Variants in TPP2 observed in about 807,000 individuals in gnomAD.
TPP2 encodes the protein tripeptidyl peptidase 2.
TPP2 carries 34 observed loss-of-function variants against 155.9 expected under a neutral mutation model. The observed-to-expected ratio is 0.22, with a 90% CI of 0.17 to 0.29. The LOEUF (loss-of-function observed/expected upper bound fraction) is 0.29, where lower values mean the gene tolerates loss of function less well. TPP2 is among the 10% of genes least tolerant of loss of function. The probability of loss-of-function intolerance (pLI) is 1.00; values close to 1 mark genes in which losing one functional copy is unlikely to be tolerated. For missense variants in TPP2, 1,028 were observed against 1,522.3 expected, an observed-to-expected ratio of 0.68 and a Z score of 5.40; for synonymous variants, 510 against 529.4, an observed-to-expected ratio of 0.96 and a Z score of 0.50.
At position 102,651,342 on chromosome 13, in the gene TPP2, G is replaced by A. The variant is rs1159884790; in HGVS notation, c.2953-17G>A. 1 of 1,573,108 alleles carries A rather than the reference G, an allele frequency of 6.4e-7. No individual in the cohort carries two copies. Among genetic ancestry groups the A allele is most frequent in the Non-Finnish European group, 8.6e-7 (1 of 1,158,392 alleles). On this transcript the variant is annotated splice_polypyrimidine_tract_variant and intron_variant, in intron 23 of 29. Transcript: ENST00000376052. ...GATTATGCATGTTTTCTTACAGAAT[G>A]TCGTTCTAACTCCCAGGGGCAGTCT...
At chr13:102,657,880 ACAC>A (rs938904256) in intron 25 of TPP2, among the ~76,000 whole-genome samples, 2 of 152,190 alleles carry the variant, frequency 1.3e-5, no homozygotes, top group African/African-American at 4.8e-5. Flanking sequence ...GTGTGCTACT[ACAC>A]AATGCAAAAA....
At chr13:102,648,695 G>A (rs1391841577) in intron 21 of TPP2, among the ~76,000 whole-genome samples, 1 of 152,014 alleles carries the variant, frequency 6.6e-6, no homozygotes, top group Non-Finnish European at 1.5e-5. Context: ...TGTGATGTTA[G>A]GCAAGTCACT....
chr13:102,659,627 G>A (rs1158049004), intron 25 of TPP2, among the ~76,000 whole-genome samples: 2 of 152,124 alleles, frequency 1.3e-5, no homozygotes, highest in African/African-American at 4.8e-5. Context: ...CTTTAAAAAT[G>A]AAAATGAAAT....
At chr13:102,607,875 G>GCCA in intron 2 of TPP2, 1 of 215,556 alleles carries the variant, frequency 4.6e-6, no homozygotes, top group South Asian at 4.9e-5. Context: ...ATAGGCATGA[G>GCCA]CCACCATGCC....
At chr13:102,653,500 C>G (rs1019006011) in intron 24 of TPP2, among the ~76,000 whole-genome samples, 1 of 152,124 alleles carries the variant, frequency 6.6e-6, no homozygotes, top group South Asian at 2.1e-4. Context: ...TCAAGTGATC[C>G]TCCCACCTCA....
intron 25 of TPP2, among the ~76,000 whole-genome samples, chr13:102,659,302 C>A (rs1034442812): frequency 6.6e-6 from 1 of 152,156 alleles, no homozygotes; most frequent in African/African-American, 2.4e-5. Context: ...AAAATATATT[C>A]AGTGAAATAA....
At chr13:102,604,414 G>A (rs1368060217) in intron 1 of TPP2, among the ~76,000 whole-genome samples, 1 of 152,014 alleles carries the variant, frequency 6.6e-6, no homozygotes, top group East Asian at 1.9e-4. Flanking sequence ...CTAATACCCA[G>A]TGTGATAGCA....
Position 102,663,703 on chromosome 13 carries a change from C to A in TPP2, c.3199C>A (p.Pro1067Thr). The change falls in exon 26 of 30, where the codon CCT becomes ACT. Residue 1067 changes from proline to threonine, a missense_variant. Pro to Thr is a conservative substitution (Grantham distance 38). Around this residue, in one of 7 missense-constraint regions of TPP2, gnomAD observed 179 missense variants for 274.7 expected, o/e 0.65. Transcript: ENST00000376052. ...ELKETYPNYL[P>T]LYVARLHQLD... ...GAAAGAAACATATCCTAATTATCTT[C>A]CTCTGTACGTTGCACGACTTCATCA... 1 of 1,608,444 alleles carries A rather than the reference C, an allele frequency of 6.2e-7. No homozygotes were observed. The highest frequency in any genetic ancestry group is 8.5e-7 in the Non-Finnish European group (1 of 1,178,094).
At chr13:102,674,903 C>G (rs1002037246) in intron 28 of TPP2, among the ~76,000 whole-genome samples, 1 of 152,136 alleles carries the variant, frequency 6.6e-6, no homozygotes, top group Admixed American at 6.6e-5. Flanking sequence ...TTCCTCAAAA[C>G]TCTTGAATTT....
intron 8 of TPP2, among the ~76,000 whole-genome samples, chr13:102,628,422 T>C (rs1409397170): frequency 6.6e-6 from 1 of 152,192 alleles, no homozygotes; most frequent in East Asian, 1.9e-4. Context: ...TGCTGAAATT[T>C]TGCTATTCTC....
At chr13:102,624,073 G>A (rs1321473308) in intron 6 of TPP2, among the ~76,000 whole-genome samples, 1 of 152,154 alleles carries the variant, frequency 6.6e-6, no homozygotes, top group East Asian at 1.9e-4. Context: ...AAAATGCTGT[G>A]TGTATAAACC....
chr13:102,661,395 T>G (rs932076474), intron 25 of TPP2, among the ~76,000 whole-genome samples: 1 of 151,518 alleles, frequency 6.6e-6, no homozygotes, highest in Non-Finnish European at 1.5e-5. Context: ...GGACTACAAG[T>G]GCACGCCACC....
At chr13:102,626,970 C>A in intron 6 of TPP2, 42 bp from the exon 7 acceptor site, 2 of 1,459,818 alleles carry the variant, frequency 1.4e-6, no homozygotes, top group South Asian at 1.6e-5. Flanking sequence ...AACTTTCAGT[C>A]CATGAGAATG....
chr13:102,627,056 C>G lies in TPP2; in HGVS notation c.829C>G (p.Pro277Ala). ...AGCTAGTATAGCTGCTGGACACTTT[C>G]CAGAAGAACCTGAACGGAATGGGGT... ...HVASIAAGHF[P>A]EEPERNGVAP... The change falls in exon 7 of 30, where the codon CCA becomes GCA. Residue 277 changes from proline to alanine, a missense_variant. Physicochemically the swap from Pro to Ala is conservative, Grantham distance 27. Transcript: ENST00000376052. 1.3e-6 allele frequency: 2 copies of G among 1,597,598 alleles called. No homozygotes were observed. Among genetic ancestry groups the G allele is most frequent in the Non-Finnish European group, 1.7e-6 (2 of 1,171,920 alleles).
In TPP2 at chr13:102,679,029, A is replaced by C. The variant is rs1885471198; in HGVS notation, c.*713A>C. On this transcript the variant is annotated 3_prime_UTR_variant, in exon 30 of 30. Coordinates refer to ENST00000376052, the MANE Select transcript of TPP2 (RefSeq NM_001330588.2). ...TGAATCTTTATCAGGTATTGTAAAGATACACATATGATATGTTTATTAAAA... is the reference window on the plus strand; with the variant it reads ...TGAATCTTTATCAGGTATTGTAAAGCTACACATATGATATGTTTATTAAAA... The C allele has an allele frequency of 6.6e-6, 1 of 152,628 alleles. No individual in the cohort carries two copies. The highest frequency in any genetic ancestry group is 1.5e-5 in the Non-Finnish European group (1 of 68,040). 9.5% of individuals were successfully genotyped at this position (152,628 alleles called of 1,614,324 possible). A position where few individuals can be genotyped will look rare whatever the true frequency, so the allele number is the denominator to read the frequency against.
intron 2 of TPP2, among the ~76,000 whole-genome samples, chr13:102,611,535 G>T (rs1396443389): frequency 6.6e-6 from 1 of 152,122 alleles, no homozygotes; most frequent in Non-Finnish European, 1.5e-5. Flanking sequence ...AATTAGCTGG[G>T]CATGGTGGTG....
At chr13:102,627,340 A>G (rs1344608762) in intron 7 of TPP2, among the ~76,000 whole-genome samples, 174 bp downstream of exon 7, 1 of 152,068 alleles carries the variant, frequency 6.6e-6, no homozygotes, top group Non-Finnish European at 1.5e-5. Flanking sequence ...TTTATTAAAT[A>G]TTATTAGGAT....
At chr13:102,644,450 A>G in intron 17 of TPP2, 107 bp from the exon 18 acceptor site, 2 of 961,596 alleles carry the variant, frequency 2.1e-6, no homozygotes, top group South Asian at 1.9e-5. Flanking sequence ...TCTTGCTACA[A>G]ACAGGAAAAG....
In TPP2 at chr13:102,657,091, A is replaced by G; in HGVS notation, c.3027A>G (p.Pro1009=). ...VIPVHYYLIP[P]PTKTKNGSKD... The stretch of plus-strand genomic sequence containing the variant: ...CTGTTCATTACTACTTAATACCTCC[A>G]CCAACAAAGACTAAGAATGGCAGCA... The change falls in exon 25 of 30, where the codon CCA becomes CCG. Residue 1009 remains proline (P), a synonymous_variant. Coordinates refer to ENST00000376052, the MANE Select transcript of TPP2 (RefSeq NM_001330588.2). 1 of 1,590,440 alleles carries G rather than the reference A, an allele frequency of 6.3e-7. No homozygotes were observed. Among genetic ancestry groups the G allele is most frequent in the Non-Finnish European group, 8.5e-7 (1 of 1,172,644 alleles).
Sources: gnomAD v4.1 joint callset for allele counts (sites outside exome capture counted in the v4.1 genomes callset) on GRCh38, gnomAD v4.1.1 for gene constraint, gnomAD v4.1.1 regional missense constraint, MANE v1.5 for transcripts, NCBI Gene and HGNC (gene_info 2026-07-23, HGNC 2026-07-21) for gene names.